Variants in ELF1 observed in about 807,000 individuals in gnomAD.
ELF1 encodes ETS-related transcription factor Elf-1.
A neutral mutation model predicts 59.9 loss-of-function variants in ELF1; 24 were observed. The observed-to-expected ratio is 0.40, with a 90% CI of 0.29 to 0.56. ELF1 has a LOEUF of 0.56. Among genes scored for constraint, ELF1 ranks in the 20% least tolerant of loss-of-function variants. The pLI is 0.44. For synonymous variants in ELF1, 248 were observed against 266.2 expected, an observed-to-expected ratio of 0.93 and a Z score of 0.67; for missense variants, 627 against 742.2, an observed-to-expected ratio of 0.84 and a Z score of 1.80.
chr13:40,992,882 A>ACCT, intron 1 of ELF1: 1 of 604,952 alleles, frequency 1.7e-6, no homozygotes. Context: ...ATCAAGACTG[A>ACCT]CCTCTTTTGG....
rs1405241615 is a variant in ELF1, at chr13:40,958,876, T to G, written c.213A>C (p.Glu71Asp). The G allele has an allele frequency of 1.2e-6, 2 of 1,613,584 alleles. No individual in the cohort carries two copies. The highest frequency in any genetic ancestry group is 2.7e-5 in the African/African-American group (2 of 74,922). The change falls in exon 3 of 9, where the codon GAA (glutamate) becomes GAC (aspartate). Residue 71 changes from glutamate (E) to aspartate (D), a missense_variant. Transcript: ENST00000239882. ...CATCATCATCATCGTCTATGATTTCTTCTTCAGCAACATCCAGTGAACTCT... is the reference window on the plus strand; with the variant it reads ...CATCATCATCATCGTCTATGATTTCGTCTTCAGCAACATCCAGTGAACTCT... ...ITESSLDVAE[E>D]EIIDDDDDDI...
rs541828346 is a variant in ELF1 at position 40,990,387 on chromosome 13, A to G, written c.-228-8105T>C. ...ATTCACTTTCGCCTCTATTAGGTGAATATTCAGGATAAGACTTTTGGACTT... is the reference window on the plus strand; with the variant it reads ...ATTCACTTTCGCCTCTATTAGGTGAGTATTCAGGATAAGACTTTTGGACTT... On this transcript the variant is annotated intron_variant, in intron 1 of 8. Transcript: ENST00000239882. 7.2e-5 allele frequency among the ~76,000 whole-genome samples: 11 copies of G among 152,300 alleles called. No individual in the cohort carries two copies. The South Asian group carries it at 2.3e-3, about 32-fold the overall frequency.
Position 40,937,838 on chromosome 13 carries a change from G to A in ELF1, c.1256+3083C>T, listed in dbSNP as rs148610950. On this transcript the variant is annotated intron_variant, in intron 8 of 8. Transcript: ENST00000239882. The stretch of plus-strand genomic sequence containing the variant: ...GTTTGTTTATTTATTTACTTGAGAC[G>A]GGGTCTCACTCTGTAGCCCCAGCTG... Among the ~76,000 whole-genome samples the A allele has an allele frequency of 5.1e-3, 770 of 151,190 alleles. 6 individuals carry two copies. The highest frequency in any genetic ancestry group is 7.2e-3 in the Admixed American group (110 of 15,190).
upstream of ELF1, among the ~76,000 whole-genome samples, chr13:41,020,922 A>C (rs972346544): frequency 6.6e-6 from 1 of 152,250 alleles, no homozygotes; most frequent in Admixed American, 6.5e-5. Flanking sequence ...GGGCAACAGT[A>C]TTATAAAAGG....
At chr13:40,991,839 C>CTATG (rs1190294561) in intron 1 of ELF1, among the ~76,000 whole-genome samples, 2 of 152,036 alleles carry the variant, frequency 1.3e-5, no homozygotes, top group East Asian at 3.9e-4. Flanking sequence ...ATCTATCTAT[C>CTATG]TATGTATGTC....
At chr13:41,031,692 C>T (rs1033819138) in intron 1 of ELF1, among the ~76,000 whole-genome samples, 4 of 151,290 alleles carry the variant, frequency 2.6e-5, no homozygotes, top group Admixed American at 6.6e-5. Context: ...TGTTGGTGGG[C>T]GCCTGTAATC....
intron 5 of ELF1, among the ~76,000 whole-genome samples, chr13:40,949,449 C>G (rs1870710378): frequency 6.6e-6 from 1 of 152,106 alleles, no homozygotes; most frequent in South Asian, 2.1e-4. Context: ...CCTGTAACTC[C>G]TGAGCTCAAG....
intron 2 of ELF1, among the ~76,000 whole-genome samples, chr13:40,979,679 AGAC>A (rs1359088587): frequency 6.6e-6 from 1 of 152,240 alleles, no homozygotes; most frequent in Non-Finnish European, 1.5e-5. Flanking sequence ...GAAACAAATG[AGAC>A]ACAAAAAAGA....
chr13:41,001,668 T>C (rs74674762), intron 1 of ELF1, among the ~76,000 whole-genome samples: 7,264 of 152,232 alleles, frequency 0.048, 425 homozygotes, highest in East Asian at 0.23. Flanking sequence ...TAGAATCTAG[T>C]GATCTTAATC....
chr13:40,982,031 G>A lies in ELF1; in HGVS notation c.24C>T (p.Asn8=), dbSNP rs751355911. MAAVVQQ[N]DLVFEFASNV... is the part of the protein sequence containing the mutation. ...TACTAGCAAATTCAAATACTAGGTC[G>A]TTCTGTTGGACAACAGCAGCCATAA... is the stretch of plus-strand genomic sequence containing the variant. Residue 8 remains asparagine, a synonymous_variant, in exon 2 of 9, where the codon AAC becomes AAT. Coordinates refer to ENST00000239882, the MANE Select transcript of ELF1 (RefSeq NM_172373.4). The A allele has an allele frequency of 1.2e-5, 20 of 1,612,006 alleles. No homozygotes were observed. The highest frequency in any genetic ancestry group is 1.1e-4 in the East Asian group (5 of 44,746).
exon 1 of ELF1, chr13:41,060,880 G>C (rs1043499253): frequency 1.8e-5 from 6 of 337,498 alleles, no homozygotes; most frequent in Non-Finnish European, 2.3e-5. Context: ...CGCACCTCTC[G>C]CCACCGCCGC....
intron 2 of ELF1, among the ~76,000 whole-genome samples, chr13:40,981,593 C>T (rs906863804): frequency 6.6e-6 from 1 of 152,076 alleles, no homozygotes; most frequent in Admixed American, 6.5e-5. Flanking sequence ...GGACCGCTAA[C>T]GTTGTCTCAT....
intron 5 of ELF1, among the ~76,000 whole-genome samples, chr13:40,947,587 C>T (rs950725634): frequency 6.6e-6 from 1 of 152,200 alleles, no homozygotes; most frequent in African/African-American, 2.4e-5. Context: ...CTACCACTAA[C>T]ATTAGGAATT....
intron 1 of ELF1, chr13:40,992,934 T>C (rs894202436): frequency 1.5e-5 from 11 of 752,542 alleles, no homozygotes; most frequent in South Asian, 1.2e-4. Context: ...ATTCTAGCCT[T>C]TTCTCTTTTC....
At chr13:41,040,050 A>G (rs1048183312) in intron 1 of ELF1, among the ~76,000 whole-genome samples, 2 of 152,228 alleles carry the variant, frequency 1.3e-5, no homozygotes, top group African/African-American at 4.8e-5. Flanking sequence ...AAATGTTTTC[A>G]TATTTTATTT....
intron 1 of ELF1, among the ~76,000 whole-genome samples, chr13:40,996,280 C>T (rs904905297): frequency 2.6e-5 from 4 of 152,178 alleles, no homozygotes; most frequent in Non-Finnish European, 4.4e-5. Context: ...ACTAAACATA[C>T]TCTTACACCA....
At chr13:40,989,158 G>A (rs914515377) in intron 1 of ELF1, among the ~76,000 whole-genome samples, 3 of 152,016 alleles carry the variant, frequency 2.0e-5, no homozygotes, top group African/African-American at 7.2e-5. Context: ...TGCGAATATG[G>A]AAAAAACAAT....
chr13:40,949,983 AT>A lies in ELF1; in HGVS notation c.362-11del. On this transcript the variant is annotated splice_polypyrimidine_tract_variant and intron_variant, in intron 4 of 8. Coordinates refer to ENST00000239882, the MANE Select transcript of ELF1 (RefSeq NM_172373.4). The stretch of plus-strand genomic sequence containing the variant: ...CTAAATATATTATTATCTAATGAAA[AT>A]AAAATCAACTAATTATAGTCCACTG... 1 of 1,593,854 alleles carries A rather than the reference AT, an allele frequency of 6.3e-7. No homozygotes were observed. Among genetic ancestry groups the A allele is most frequent in the Non-Finnish European group, 8.5e-7 (1 of 1,170,748 alleles).
chr13:41,005,881 C>A (rs550831687), intron 1 of ELF1, among the ~76,000 whole-genome samples: 2 of 152,286 alleles, frequency 1.3e-5, no homozygotes, highest in South Asian at 4.1e-4. Context: ...GTATCATAAA[C>A]TTGGGCAAAA....
Sources: allele counts gnomAD v4.1 joint callset (sites outside exome capture counted in the v4.1 genomes callset), GRCh38; gene constraint gnomAD v4.1.1; transcripts MANE v1.5; gene names NCBI Gene and HGNC (gene_info 2026-07-23, HGNC 2026-07-21).